The following FOCAD variants were observed in gnomAD, a reference collection of about 807,000 sequenced individuals.
FOCAD encodes the protein focadhesin.
Under a neutral mutation model 225.6 loss-of-function variants are expected in FOCAD, and 198 were observed. That is an observed-to-expected ratio of 0.88 (90% CI 0.78 to 0.99). FOCAD has a LOEUF of 0.99. Among genes scored for constraint, FOCAD ranks in the 50% least tolerant of loss-of-function variants. FOCAD has a pLI of 0.00. For missense variants in FOCAD, 2,713 were observed against 2,123.6 expected, an observed-to-expected ratio of 1.28 and a Z score of -5.46; for synonymous variants, 897 against 755.0, an observed-to-expected ratio of 1.19 and a Z score of -3.08.
At chr9:20,851,229 G>T (rs1326436059) in intron 15 of FOCAD, among the ~76,000 whole-genome samples, 1 of 149,812 alleles carries the variant, frequency 6.7e-6, no homozygotes, top group Admixed American at 6.7e-5. Flanking sequence ...TTTTTCGTGG[G>T]GTGGGGGGGT....
At chr9:20,820,514 T>G in intron 13 of FOCAD, 89 bp downstream of exon 13, 1 of 1,149,452 alleles carries the variant, frequency 8.7e-7, no homozygotes, top group Non-Finnish European at 1.3e-6. Context: ...ATGCTTTGGT[T>G]TAGTGGTATT....
Position 20,990,409 on chromosome 9 carries a change from C to G in FOCAD, c.5256+35C>G, listed in dbSNP as rs918616788. On this transcript the variant is annotated intron_variant, in intron 42 of 43. Coordinates refer to ENST00000338382, the MANE Select transcript of FOCAD (RefSeq NM_001375567.1). The stretch of plus-strand genomic sequence containing the variant: ...GCAGCCACCTGCTTAGCAGGGCAGG[C>G]AGCCATTGTCTCTTCAGCAGTTTCT... 1.9e-6 allele frequency: 3 copies of G among 1,606,280 alleles called. No homozygotes were observed. In the African/African-American group the frequency reaches 4.0e-5, roughly 21 times the overall value.
chr9:20,776,590 A>G (rs541024381), intron 8 of FOCAD, among the ~76,000 whole-genome samples: 135 of 152,196 alleles, frequency 8.9e-4, no homozygotes, highest in African/African-American at 3.1e-3. Flanking sequence ...TTCACCCTCT[A>G]TTCTGAACAG....
intron 35 of FOCAD, among the ~76,000 whole-genome samples, chr9:20,968,688 C>T (rs923956255): frequency 1.3e-5 from 2 of 151,974 alleles, no homozygotes; most frequent in African/African-American, 2.4e-5. Context: ...ATCTGCCCAC[C>T]TCGGCCTCCC....
At chr9:20,982,154 A>G (rs925371257) in intron 38 of FOCAD, among the ~76,000 whole-genome samples, 1 of 152,024 alleles carries the variant, frequency 6.6e-6, no homozygotes, top group Non-Finnish European at 1.5e-5. Flanking sequence ...TGTATAGCCA[A>G]AACAAAACAA....
intron 1 of FOCAD, among the ~76,000 whole-genome samples, chr9:20,714,380 G>T (rs956171975): frequency 6.6e-6 from 1 of 151,978 alleles, no homozygotes; most frequent in Non-Finnish European, 1.5e-5. Flanking sequence ...AGGGAACTTG[G>T]TTTTTCTGCT....
intron 1 of FOCAD, among the ~76,000 whole-genome samples, chr9:20,698,335 C>T (rs1446603415): frequency 6.6e-6 from 1 of 152,010 alleles, no homozygotes; most frequent in African/African-American, 2.4e-5. Context: ...ATATTACTCA[C>T]ATGCACACAT....
At chr9:20,725,816 G>C (rs1262066406) in intron 4 of FOCAD, among the ~76,000 whole-genome samples, 1 of 151,996 alleles carries the variant, frequency 6.6e-6, no homozygotes, top group African/African-American at 2.4e-5. Context: ...GGCTGTGCTT[G>C]AGAGACTGTT....
chr9:20,731,503 C>T (rs1241352750), intron 4 of FOCAD, among the ~76,000 whole-genome samples: 1 of 152,124 alleles, frequency 6.6e-6, no homozygotes, highest in Non-Finnish European at 1.5e-5. Context: ...TTTCAGTGTG[C>T]ATCTATAAAG....
chr9:20,932,913 G>A, intron 27 of FOCAD, 101 bp from the exon 28 acceptor site: 1 of 815,086 alleles, frequency 1.2e-6, no homozygotes. Context: ...GAGAAATGCT[G>A]GTATTTCCAG....
chr9:20,948,506 G>A (rs536043539), intron 31 of FOCAD, 113 bp downstream of exon 31: 3 of 1,140,796 alleles, frequency 2.6e-6, no homozygotes, highest in East Asian at 5.1e-5. Context: ...AAAAGAATAG[G>A]CAATTTTAAA....
chr9:20,826,925 C>G (rs1824954207), intron 15 of FOCAD, among the ~76,000 whole-genome samples: 1 of 152,124 alleles, frequency 6.6e-6, no homozygotes, highest in African/African-American at 2.4e-5. Flanking sequence ...ATTGAGCTTT[C>G]TCATCACTTT....
intron 22 of FOCAD, 151 bp downstream of exon 22, chr9:20,907,393 A>G: frequency 1.4e-6 from 1 of 701,272 alleles, no homozygotes; most frequent in Non-Finnish European, 2.5e-6. Context: ...TGTGAGGCAT[A>G]TATATATAGC....
intron 15 of FOCAD, among the ~76,000 whole-genome samples, chr9:20,852,073 G>A (rs891082871): frequency 4.0e-5 from 6 of 151,710 alleles, no homozygotes; most frequent in Non-Finnish European, 7.4e-5. Context: ...TTTGAGATGA[G>A]TGCTTTTTTA....
At chr9:20,948,513 T>A in intron 31 of FOCAD, 120 bp downstream of exon 31, 1 of 1,067,536 alleles carries the variant, frequency 9.4e-7, no homozygotes, top group Non-Finnish European at 1.3e-6. Flanking sequence ...TAGGCAATTT[T>A]AAATGAAAGA....
intron 15 of FOCAD, among the ~76,000 whole-genome samples, chr9:20,837,162 G>T (rs1178711830): frequency 1.3e-5 from 2 of 151,870 alleles, no homozygotes; most frequent in Admixed American, 1.3e-4. Context: ...ATCCATTTTG[G>T]GGGTTTATTT....
At chr9:20,691,672 G>C (rs1012383958) in intron 1 of FOCAD, among the ~76,000 whole-genome samples, 1 of 151,000 alleles carries the variant, frequency 6.6e-6, no homozygotes, top group Non-Finnish European at 1.5e-5. Flanking sequence ...TAGTAGAGAC[G>C]GGTTTCACCA....
chr9:20,658,199 C>G (rs557415507), upstream of FOCAD: 2 of 148,432 alleles, frequency 1.3e-5, no homozygotes, highest in Non-Finnish European at 1.5e-5. Flanking sequence ...GACAGGGACA[C>G]TTAAGTCTGC....
At chr9:20,679,428 A>C (rs1822333635), upstream of FOCAD, among the ~76,000 whole-genome samples, 1 of 152,086 alleles carries the variant, frequency 6.6e-6, no homozygotes, top group Non-Finnish European at 1.5e-5. Flanking sequence ...CTTGGGCCTG[A>C]GTTCAAGGCT....
Sources: gnomAD v4.1 joint callset for allele counts (sites outside exome capture counted in the v4.1 genomes callset) on GRCh38, gnomAD v4.1.1 for gene constraint, MANE v1.5 for transcripts, NCBI Gene and HGNC (gene_info 2026-07-23, HGNC 2026-07-21) for gene names.